The following ATP11A variants were observed in gnomAD, a reference collection of about 807,000 sequenced individuals.
ATP11A encodes ATPase phospholipid transporting 11A.
Under a neutral mutation model 154.4 loss-of-function variants are expected in ATP11A, and 81 were observed. The observed-to-expected ratio is 0.52, with a 90% CI of 0.44 to 0.63. The LOEUF is 0.63. Among genes scored for constraint, ATP11A ranks in the 30% least tolerant of loss-of-function variants. The pLI is 0.00. For missense variants in ATP11A, 1,316 were observed against 1,474.3 expected (o/e 0.89, Z 1.76); for synonymous variants, 623 against 585.9 (o/e 1.06, Z -0.91).
chr13:112,742,267 A>G (rs1473824816), intron 1 of ATP11A, among the ~76,000 whole-genome samples: 2 of 152,084 alleles, frequency 1.3e-5, no homozygotes, highest in African/African-American at 4.8e-5. Flanking sequence ...CAGCATGGGA[A>G]CCCTTGGGGG....
rs867152662 is a variant in ATP11A at position 112,882,261 on chromosome 13, G to A, written c.*395G>A. On this transcript the variant is annotated 3_prime_UTR_variant, in exon 30 of 30. Coordinates refer to ENST00000375645, the MANE Select transcript of ATP11A (RefSeq NM_015205.3). This position sits in a 1 kb window ranked among gnomAD's most constrained non-coding sequence, Gnocchi z 5.1. ...GGGACATTCTGCTGGCCCACCCTGC[G>A]CGCTGTCATGCAGAGGCCATTCCCC... 6.5e-5 allele frequency: 37 copies of A among 565,740 alleles called. No homozygotes were observed. In the East Asian group the frequency reaches 6.7e-4, roughly 10 times the overall value. 35.0% of individuals were successfully genotyped at this position (565,740 alleles called of 1,614,324 possible).
chr13:112,814,080 T>G (rs1489312263), intron 5 of ATP11A, among the ~76,000 whole-genome samples: 1 of 152,206 alleles, frequency 6.6e-6, no homozygotes, highest in Non-Finnish European at 1.5e-5. Flanking sequence ...TTATTTCTTT[T>G]GAGACAGAGT....
chr13:112,815,855 AC>A (rs1486045962), intron 5 of ATP11A, among the ~76,000 whole-genome samples: 4 of 152,184 alleles, frequency 2.6e-5, no homozygotes, highest in African/African-American at 9.7e-5. Flanking sequence ...TAACCTTGTT[AC>A]AGGTGTTTGT....
rs2080986762 is a variant in ATP11A, at chr13:112,886,757, T to C, written c.*4891T>C. 2 of 152,722 alleles carry C rather than the reference T, an allele frequency of 1.3e-5. No individual in the cohort carries two copies. The highest frequency in any genetic ancestry group is 2.9e-5 in the Non-Finnish European group (2 of 68,028). The allele number at this position is 152,722 out of a possible 1,614,324, so 9.5% of individuals were successfully genotyped here. On this transcript the variant is annotated 3_prime_UTR_variant, in exon 30 of 30. Transcript: ENST00000375645. ...TTGTGTCTGACTTAAAATTATAATG[T>C]CTGCGTCACCATTTAAAATGTCTGT...
chr13:112,779,352 T>C (rs1345968337), intron 1 of ATP11A, among the ~76,000 whole-genome samples: 1 of 130,392 alleles, frequency 7.7e-6, no homozygotes, highest in African/African-American at 3.3e-5. Context: ...CTGGAGTGAG[T>C]AGCCGCTGGA....
chr13:112,794,629 G>A (rs2077948883), intron 2 of ATP11A, among the ~76,000 whole-genome samples: 1 of 152,188 alleles, frequency 6.6e-6, no homozygotes, highest in African/African-American at 2.4e-5. Context: ...CAGAACTTTG[G>A]GAGGCCGAAG....
At chr13:112,741,909 C>T (rs922499181) in intron 1 of ATP11A, among the ~76,000 whole-genome samples, 9 of 152,076 alleles carry the variant, frequency 5.9e-5, no homozygotes, top group African/African-American at 1.9e-4. Flanking sequence ...TTCCCCAGAG[C>T]GCTCCTCTTC....
chr13:112,693,738 C>T (rs1419503235), intron 1 of ATP11A, among the ~76,000 whole-genome samples: 2 of 152,026 alleles, frequency 1.3e-5, no homozygotes, highest in African/African-American at 4.8e-5. Context: ...GATCGCCTGA[C>T]ATCAGGAGTT....
At chr13:112,707,493 C>T (rs928480057) in intron 1 of ATP11A, among the ~76,000 whole-genome samples, 1 of 151,730 alleles carries the variant, frequency 6.6e-6, no homozygotes, top group African/African-American at 2.4e-5. Flanking sequence ...TAGTGGCCAG[C>T]CTTTGGAAGT....
chr13:112,860,503 C>T, intron 24 of ATP11A, 89 bp downstream of exon 24: 1 of 1,524,788 alleles, frequency 6.6e-7, no homozygotes, highest in Non-Finnish European at 9.0e-7. Flanking sequence ...CCTGGCAGAC[C>T]TCAGTTGAGG....
At chr13:112,763,596 G>A (rs7982136) in intron 1 of ATP11A, among the ~76,000 whole-genome samples, 7,874 of 152,176 alleles carry the variant, frequency 0.052, 697 homozygotes, top group African/African-American at 0.18. Context: ...AACCCTTTTA[G>A]GCTCTGCTAA....
intron 1 of ATP11A, among the ~76,000 whole-genome samples, chr13:112,758,028 A>G (rs1382006962): frequency 2.0e-5 from 3 of 152,344 alleles, no homozygotes; most frequent in Non-Finnish European, 2.9e-5. Context: ...CTCAGGTTCC[A>G]TCCAAGTCTC....
intron 16 of ATP11A, among the ~76,000 whole-genome samples, chr13:112,839,847 T>TA (rs879382616): frequency 1.4e-4 from 22 of 152,144 alleles, no homozygotes; most frequent in Non-Finnish European, 2.5e-4. Context: ...AATTTTCTAG[T>TA]AAAAAATGTG....
At chr13:112,717,051 A>T (rs1439253704) in intron 1 of ATP11A, among the ~76,000 whole-genome samples, 4 of 152,158 alleles carry the variant, frequency 2.6e-5, no homozygotes, top group Admixed American at 2.6e-4. Context: ...GGGGGACACG[A>T]GTATGTTCTG....
At chr13:112,853,387 G>T (rs1233520737) in intron 18 of ATP11A, among the ~76,000 whole-genome samples, 3 of 151,736 alleles carry the variant, frequency 2.0e-5, no homozygotes, top group Non-Finnish European at 4.4e-5. Context: ...GAGACTTTTA[G>T]CTAGGAAGTT....
At chr13:112,833,977 G>A (rs930130546) in intron 14 of ATP11A, among the ~76,000 whole-genome samples, 6 of 152,206 alleles carry the variant, frequency 3.9e-5, no homozygotes, top group Non-Finnish European at 8.8e-5. Flanking sequence ...CGCGAAGCAC[G>A]TCTGTCTCCC....
chr13:112,866,129 G>A lies in ATP11A; in HGVS notation c.2991+3554G>A, dbSNP rs141770886. On this transcript the variant is annotated intron_variant, in intron 25 of 29. Transcript: ENST00000375645. ...TTGCTTTTTTCTTTTTGCCACTGGC[G>A]TCCCTTCCCACCCTCAGATAATGAC... Among the ~76,000 whole-genome samples, 235 of 152,202 alleles carry A rather than the reference G, an allele frequency of 1.5e-3. 2 individuals carry two copies. The highest frequency in any genetic ancestry group is 5.0e-3 in the African/African-American group (206 of 41,520).
chr13:112,692,292 A>G (rs1473526655), intron 1 of ATP11A, among the ~76,000 whole-genome samples: 1 of 152,196 alleles, frequency 6.6e-6, no homozygotes. Context: ...AGTGTTAAAA[A>G]GGAGGGTCAC....
intron 12 of ATP11A, among the ~76,000 whole-genome samples, chr13:112,829,611 G>A (rs1255665504): frequency 5.3e-5 from 8 of 152,202 alleles, no homozygotes; most frequent in Admixed American, 3.9e-4. Flanking sequence ...TGGAGAAAAG[G>A]TGAAAGCTTT....
Sources: gnomAD v4.1 joint callset for allele counts (sites outside exome capture counted in the v4.1 genomes callset) on GRCh38, gnomAD v4.1.1 for gene constraint, Gnocchi (gnomAD v3.1) non-coding constraint, MANE v1.5 for transcripts, NCBI Gene and HGNC (gene_info 2026-07-23, HGNC 2026-07-21) for gene names.